The following THSD7A variants were observed in gnomAD, a reference collection of about 807,000 sequenced individuals.
THSD7A encodes thrombospondin type-1 domain-containing protein 7A.
In THSD7A, 96 loss-of-function variants were observed where a neutral mutation model predicts 231.3. The ratio of observed to expected loss-of-function variants is 0.41; its 90% CI spans 0.35 to 0.49. The LOEUF (loss-of-function observed/expected upper bound fraction) is 0.49. THSD7A is among the 20% of genes least tolerant of loss of function. THSD7A has a pLI of 0.05. For missense variants in THSD7A, 2,290 were observed against 2,070.2 expected (o/e 1.11, Z -2.06); for synonymous variants, 940 against 743.3 (o/e 1.26, Z -4.30).
rs186680251 is a variant in THSD7A at position 11,694,650 on chromosome 7, T to C, written c.191-57689A>G. 4.6e-5 allele frequency among the ~76,000 whole-genome samples: 7 copies of C among 151,646 alleles called. No individual in the cohort carries two copies. The East Asian group carries it at 9.8e-4, about 21-fold the overall frequency. On this transcript the variant is annotated intron_variant, in intron 1 of 27. Coordinates refer to ENST00000423059, the MANE Select transcript of THSD7A (RefSeq NM_015204.3). ...TGCTCACAAGGTTTGTTAAATACAATTCATAGCAATCAGAAAAGACAGCTG... is the reference window on the plus strand; with the variant it reads ...TGCTCACAAGGTTTGTTAAATACAACTCATAGCAATCAGAAAAGACAGCTG...
At chr7:11,392,367 C>T (rs1783015970) in intron 23 of THSD7A, among the ~76,000 whole-genome samples, 1 of 152,146 alleles carries the variant, frequency 6.6e-6, no homozygotes. Flanking sequence ...ATGCTTTTCT[C>T]ATGGTCTTTG....
In THSD7A at chr7:11,593,240, C is replaced by A; in HGVS notation, c.1271+14G>T. On this transcript the variant is annotated intron_variant, in intron 3 of 27. Transcript: ENST00000423059. ...TAGTTTCGGCAGACGCTATACCCTT[C>A]TTTATTTACTCACGTGGCACAGGGG... is the stretch of plus-strand genomic sequence containing the variant. The A allele has an allele frequency of 1.2e-6, 2 of 1,613,268 alleles. No individual in the cohort carries two copies. Among genetic ancestry groups the A allele is most frequent in the Non-Finnish European group, 1.7e-6 (2 of 1,179,784 alleles).
intron 1 of THSD7A, among the ~76,000 whole-genome samples, chr7:11,704,262 A>T (rs895737821): frequency 6.6e-6 from 1 of 151,144 alleles, no homozygotes; most frequent in Non-Finnish European, 1.5e-5. Context: ...CAAAATCATC[A>T]GCATTTTCAT....
intron 1 of THSD7A, among the ~76,000 whole-genome samples, chr7:11,804,665 C>T (rs928127318): frequency 6.6e-6 from 1 of 152,144 alleles, no homozygotes; most frequent in African/African-American, 2.4e-5. Flanking sequence ...CTATTCCTAG[C>T]TAATGATTAA....
At chr7:11,829,441 A>C (rs1785126712) in intron 1 of THSD7A, among the ~76,000 whole-genome samples, 1 of 152,146 alleles carries the variant, frequency 6.6e-6, no homozygotes, top group Non-Finnish European at 1.5e-5. Flanking sequence ...ACTTTACCAA[A>C]GTTCTACAGC....
chr7:11,746,207 G>C (rs1246629150), intron 1 of THSD7A, among the ~76,000 whole-genome samples: 1 of 151,646 alleles, frequency 6.6e-6, no homozygotes, highest in African/African-American at 2.4e-5. Context: ...ATTTATTTTG[G>C]AATAATTACA....
At chr7:11,725,921 G>T (rs1781530414) in intron 1 of THSD7A, among the ~76,000 whole-genome samples, 1 of 151,900 alleles carries the variant, frequency 6.6e-6, no homozygotes, top group Admixed American at 6.6e-5. Context: ...TTTACAGTAT[G>T]CCTCTATTAC....
rs568282647 is a variant in THSD7A at position 11,539,035 on chromosome 7, G to A, written c.1822+2384C>T. The stretch of plus-strand genomic sequence containing the variant: ...GCTCTAATGCTTCATGCCCCTAGTC[G>A]AGCTTTAACTTAATTATAAAACAAA... On this transcript the variant is annotated intron_variant, in intron 6 of 27. Coordinates refer to ENST00000423059, the MANE Select transcript of THSD7A (RefSeq NM_015204.3). Among the ~76,000 whole-genome samples, 135 of 152,158 alleles carry A rather than the reference G, an allele frequency of 8.9e-4. 1 individual carries two copies. The highest frequency in any genetic ancestry group is 3.1e-3 in the African/African-American group (129 of 41,518).
At chr7:11,818,094 C>T (rs2355102) in intron 1 of THSD7A, among the ~76,000 whole-genome samples, 46,064 of 152,022 alleles carry the variant, frequency 0.3, 7,470 homozygotes, top group East Asian at 0.51. Flanking sequence ...AAATAGTCAC[C>T]ATTTGTGTTC....
intron 2 of THSD7A, among the ~76,000 whole-genome samples, chr7:11,594,328 C>G (rs1483173433): frequency 1.3e-5 from 2 of 151,996 alleles, no homozygotes; most frequent in African/African-American, 4.8e-5. Flanking sequence ...TCTAGAGAAC[C>G]CTGACTAAGA....
chr7:11,440,376 T>C (rs1383892062), intron 13 of THSD7A, among the ~76,000 whole-genome samples: 1 of 152,050 alleles, frequency 6.6e-6, no homozygotes, highest in Admixed American at 6.6e-5. Context: ...CAAAGAGTAA[T>C]TCTGACTTAC....
chr7:11,771,258 T>A lies in THSD7A; in HGVS notation c.190+60499A>T, dbSNP rs1278648991. 2.0e-5 allele frequency among the ~76,000 whole-genome samples: 3 copies of A among 151,680 alleles called. No homozygotes were observed. The East Asian group carries it at 5.8e-4, about 30-fold the overall frequency. On this transcript the variant is annotated intron_variant, in intron 1 of 27. Coordinates refer to ENST00000423059, the MANE Select transcript of THSD7A (RefSeq NM_015204.3). ...CTTGGTAAATATTGAATACTAACTA[T>A]CATGTAGGCACATCTAATAATAAAG...
At chr7:11,609,134 T>C (rs1780835583) in intron 2 of THSD7A, among the ~76,000 whole-genome samples, 1 of 147,068 alleles carries the variant, frequency 6.8e-6, no homozygotes, top group Middle Eastern at 3.4e-3. Flanking sequence ...ATATTAATCC[T>C]GCTCAAGAAC....
chr7:11,425,791 G>A (rs1345496047), intron 15 of THSD7A, among the ~76,000 whole-genome samples: 1 of 151,568 alleles, frequency 6.6e-6, no homozygotes, highest in Non-Finnish European at 1.5e-5. Context: ...GAGAGCAAGA[G>A]AGAGAGAAAG....
rs772513413 is a variant in THSD7A at position 11,460,721 on chromosome 7, C to A, written c.2546G>T (p.Ser849Ile). The A allele has an allele frequency of 6.2e-7, 1 of 1,612,730 alleles. No individual in the cohort carries two copies. The highest frequency in any genetic ancestry group is 1.3e-5 in the African/African-American group (1 of 75,006). The change falls in exon 11 of 28, where the codon AGC (serine) becomes ATC (isoleucine). Residue 849 changes from serine to isoleucine, a missense_variant. Transcript: ENST00000423059. Reference protein sequence around the residue: ...KWRRCQLVPWSVQQDSPGAQE... With the variant: ...KWRRCQLVPWIVQQDSPGAQE... ...TGCTCCAGGGCTGTCTTGTTGCACG[C>A]TCCAAGGGACTAATTGGCATCTGCG...
intron 1 of THSD7A, among the ~76,000 whole-genome samples, chr7:11,771,708 G>A (rs968611522): frequency 3.5e-4 from 54 of 152,152 alleles, no homozygotes; most frequent in African/African-American, 1.2e-3. Flanking sequence ...TAATTGATAA[G>A]GTTTGGATCT....
chr7:11,701,828 T>C (rs561359763), intron 1 of THSD7A, among the ~76,000 whole-genome samples: 1 of 151,322 alleles, frequency 6.6e-6, no homozygotes, highest in Admixed American at 6.6e-5. Flanking sequence ...TTGCCTCATG[T>C]GATGAAAAAT....
chr7:11,627,436 G>T (rs1781510020), intron 2 of THSD7A, among the ~76,000 whole-genome samples: 1 of 151,444 alleles, frequency 6.6e-6, no homozygotes, highest in African/African-American at 2.4e-5. Context: ...TATATGTGTT[G>T]GTATATAGCC....
At chr7:11,629,459 A>T (rs1272211627) in intron 2 of THSD7A, among the ~76,000 whole-genome samples, 1 of 152,164 alleles carries the variant, frequency 6.6e-6, no homozygotes, top group Non-Finnish European at 1.5e-5. Context: ...GATATAACAG[A>T]AAGTTTTAAG....
Sources: gnomAD v4.1 joint callset for allele counts (sites outside exome capture counted in the v4.1 genomes callset) on GRCh38, gnomAD v4.1.1 for gene constraint, MANE v1.5 for transcripts, NCBI Gene and HGNC (gene_info 2026-07-23, HGNC 2026-07-21) for gene names.